ME1: variants seen among roughly 807,000 people sequenced by gnomAD.
ME1 encodes the protein malic enzyme 1.
In ME1, 74 loss-of-function variants were observed where a neutral mutation model predicts 66.4. The ratio of observed to expected loss-of-function variants is 1.11; its 90% CI spans 0.92 to 1.35. ME1 has a LOEUF of 1.35. ME1 is among the 40% of genes most tolerant of loss of function. The pLI is 0.00. For missense variants in ME1, 750 were observed against 694.1 expected, an observed-to-expected ratio of 1.08 and a Z score of -0.90; for synonymous variants, 251 against 235.6, an observed-to-expected ratio of 1.07 and a Z score of -0.60.
chr6:83,316,717 T>C (rs1768038504), intron 5 of ME1, among the ~76,000 whole-genome samples: 1 of 152,012 alleles, frequency 6.6e-6, no homozygotes, highest in East Asian at 1.9e-4. Context: ...TACATGAATT[T>C]AACACAATCA....
intron 6 of ME1, among the ~76,000 whole-genome samples, chr6:83,268,265 A>C (rs940347014): frequency 6.6e-5 from 10 of 152,278 alleles, no homozygotes; most frequent in African/African-American, 2.4e-4. Flanking sequence ...TGATAATAAA[A>C]TCTATAAAGT....
chr6:83,422,092 G>A (rs747399054), intron 1 of ME1, among the ~76,000 whole-genome samples: 16 of 152,134 alleles, frequency 1.1e-4, no homozygotes, highest in Non-Finnish European at 2.1e-4. Flanking sequence ...GAACTCATGA[G>A]AGCAATCCCA....
At chr6:83,214,232 TCTC>T (rs1221533086) in intron 13 of ME1, among the ~76,000 whole-genome samples, 1 of 152,196 alleles carries the variant, frequency 6.6e-6, no homozygotes, top group East Asian at 1.9e-4. Flanking sequence ...TGGAAATTCA[TCTC>T]CTCTTTCTGC....
intron 7 of ME1, among the ~76,000 whole-genome samples, chr6:83,242,729 G>C (rs1035898622): frequency 2.0e-5 from 3 of 152,060 alleles, no homozygotes; most frequent in Admixed American, 6.6e-5. Flanking sequence ...AAAAGACTAA[G>C]AGAAAAGGGT....
chr6:83,227,504 T>A, intron 10 of ME1, 27 bp from the exon 11 acceptor site: 1 of 1,555,344 alleles, frequency 6.4e-7, no homozygotes. Context: ...AAGCTGGTAA[T>A]TAACACTATC....
At chr6:83,419,877 TA>T (rs1770233850) in intron 1 of ME1, among the ~76,000 whole-genome samples, 1 of 152,142 alleles carries the variant, frequency 6.6e-6, no homozygotes, top group African/African-American at 2.4e-5. Flanking sequence ...ATGCATTAAA[TA>T]AAAGACATTT....
In ME1 at chr6:83,227,377, G is replaced by T. The variant is rs1200005054; in HGVS notation, c.1233C>A (p.Ser411Arg). ...PIIFALSNPT[S>R]KAECSAEQCY... ...ACTGCTCTGCAGAACATTCTGCTTT[G>T]CTAGTTGGATTACTCAAAGCAAAAA... is the stretch of plus-strand genomic sequence containing the variant. The change falls in exon 11 of 14, where the codon AGC becomes AGA. Residue 411 changes from serine (S) to arginine (R), a missense_variant. Transcript: ENST00000369705. 3 of 1,603,298 alleles carry T rather than the reference G, an allele frequency of 1.9e-6. No homozygotes were observed. Among genetic ancestry groups the T allele is most frequent in the South Asian group, 1.1e-5 (1 of 89,506 alleles).
intron 6 of ME1, among the ~76,000 whole-genome samples, chr6:83,263,916 A>C (rs76466923): frequency 0.058 from 8,769 of 152,212 alleles, 840 homozygotes; most frequent in African/African-American, 0.2. Context: ...TAAGCTCATA[A>C]ATGAAGGTGG....
At chr6:83,303,580 C>G (rs1314675142) in intron 6 of ME1, among the ~76,000 whole-genome samples, 2 of 152,116 alleles carry the variant, frequency 1.3e-5, no homozygotes, top group Non-Finnish European at 2.9e-5. Context: ...GTTTATTCCT[C>G]TGGGTCAAAT....
rs113724190 is a variant in ME1 at position 83,232,666 on chromosome 6, T to C, written c.1027-3735A>G. On this transcript the variant is annotated intron_variant, in intron 9 of 13. Transcript: ENST00000369705. ...AGTTAGAATTTTTTATTAAACCACA[T>C]TGTATGAAATGTATTAACCATCATT... 1.7e-3 allele frequency among the ~76,000 whole-genome samples: 252 copies of C among 152,282 alleles called. 1 individual carries two copies. The highest frequency in any genetic ancestry group is 5.7e-3 in the African/African-American group (239 of 41,566).
chr6:83,387,398 TTGC>T (rs1210451752), intron 3 of ME1, among the ~76,000 whole-genome samples: 1 of 152,142 alleles, frequency 6.6e-6, no homozygotes, highest in Non-Finnish European at 1.5e-5. Context: ...GCTTCTTTTC[TTGC>T]TGCTATTTCA....
At chr6:83,370,027 A>G (rs1436467064) in intron 3 of ME1, among the ~76,000 whole-genome samples, 1 of 152,188 alleles carries the variant, frequency 6.6e-6, no homozygotes, top group Non-Finnish European at 1.5e-5. Flanking sequence ...GTTCTTAAAT[A>G]TTTATAGAAT....
At chr6:83,299,155 G>C (rs1464613903) in intron 6 of ME1, among the ~76,000 whole-genome samples, 1 of 151,492 alleles carries the variant, frequency 6.6e-6, no homozygotes, top group Non-Finnish European at 1.5e-5. Flanking sequence ...GTAGTTTAAT[G>C]GAAATAGCAT....
intron 6 of ME1, among the ~76,000 whole-genome samples, chr6:83,259,282 T>C (rs975989606): frequency 1.3e-5 from 2 of 152,100 alleles, no homozygotes; most frequent in Non-Finnish European, 2.9e-5. Context: ...ATAAGAAACA[T>C]GGATCTTGCC....
At chr6:83,407,639 CA>C in intron 2 of ME1, 128 bp downstream of exon 2, 1 of 886,710 alleles carries the variant, frequency 1.1e-6, no homozygotes, top group East Asian at 2.8e-5. Flanking sequence ...ATTGTGTTTA[CA>C]GGAAAATTCT....
At chr6:83,341,405 T>A (rs1768582883) in intron 5 of ME1, among the ~76,000 whole-genome samples, 1 of 152,154 alleles carries the variant, frequency 6.6e-6, no homozygotes, top group African/African-American at 2.4e-5. Flanking sequence ...TTATCAAGCC[T>A]GAAGTTGGTT....
At chr6:83,283,610 C>CA (rs1299819669) in intron 6 of ME1, among the ~76,000 whole-genome samples, 10 of 152,054 alleles carry the variant, frequency 6.6e-5, no homozygotes, top group Non-Finnish European at 1.3e-4. Flanking sequence ...AACAAACAAA[C>CA]AAAAAACCCC....
chr6:83,382,188 A>T (rs192627804), intron 3 of ME1, among the ~76,000 whole-genome samples: 82 of 152,214 alleles, frequency 5.4e-4, no homozygotes, highest in Non-Finnish European at 8.4e-4. Flanking sequence ...TTCATAACAC[A>T]AACAGTACTC....
chr6:83,324,388 T>C (rs1768241507), intron 5 of ME1, among the ~76,000 whole-genome samples: 2 of 151,552 alleles, frequency 1.3e-5, no homozygotes, highest in South Asian at 2.1e-4. Flanking sequence ...AAAAAATGAA[T>C]GAATCCAGGA....
Sources: allele counts gnomAD v4.1 joint callset (sites outside exome capture counted in the v4.1 genomes callset), GRCh38; gene constraint gnomAD v4.1.1; transcripts MANE v1.5; gene names NCBI Gene and HGNC (gene_info 2026-07-23, HGNC 2026-07-21).